ABLIM2: variants seen among roughly 807,000 people sequenced by gnomAD.
The protein encoded by ABLIM2 is actin-binding LIM protein 2.
A neutral mutation model predicts 97.7 loss-of-function variants in ABLIM2; 53 were observed. The ratio of observed to expected loss-of-function variants is 0.54; its 90% CI spans 0.44 to 0.68. The LOEUF is 0.68. ABLIM2 is among the 30% of genes least tolerant of loss of function. ABLIM2 has a pLI of 0.00. For synonymous variants in ABLIM2, 361 were observed against 345.8 expected (o/e 1.04, Z -0.49); for missense variants, 835 against 867.2 (o/e 0.96, Z 0.47).
chr4:8,099,794 G>A (rs547004059), intron 2 of ABLIM2, among the ~76,000 whole-genome samples: 2 of 152,190 alleles, frequency 1.3e-5, no homozygotes, highest in East Asian at 1.9e-4. Context: ...GCAGTGATCC[G>A]AGATCGCGCC....
rs193078271 is a variant in ABLIM2, at chr4:8,122,524, C to T, written c.11-15887G>A. On this transcript the variant is annotated intron_variant, in intron 1 of 20. Coordinates refer to ENST00000447017, the MANE Select transcript of ABLIM2 (RefSeq NM_001130083.2). This position sits in a 1 kb window ranked among gnomAD's most constrained non-coding sequence, Gnocchi z 4.1. ...TACTGTGTCCTCACAAGGCAGAGAGCGCGCTCTGGGCAGGAGTCCCATCAT... is the reference window on the plus strand; with the variant it reads ...TACTGTGTCCTCACAAGGCAGAGAGTGCGCTCTGGGCAGGAGTCCCATCAT... 1.1e-4 allele frequency among the ~76,000 whole-genome samples: 17 copies of T among 152,270 alleles called. No homozygotes were observed. In the East Asian group the frequency reaches 3.1e-3, roughly 28 times the overall value.
chr4:8,089,138 G>A (rs1825668537), intron 3 of ABLIM2, among the ~76,000 whole-genome samples: 2 of 152,248 alleles, frequency 1.3e-5, no homozygotes, highest in Non-Finnish European at 2.9e-5. Flanking sequence ...TCCGCAGCAA[G>A]TGCCTGGAGT....
intron 20 of ABLIM2, among the ~76,000 whole-genome samples, chr4:7,976,730 C>G (rs1733458244): frequency 6.6e-6 from 1 of 152,024 alleles, no homozygotes; most frequent in African/African-American, 2.4e-5. Context: ...TGCATACACA[C>G]ACATACACAT....
chr4:8,091,559 AT>A (rs1828176660), intron 3 of ABLIM2, among the ~76,000 whole-genome samples: 1 of 41,946 alleles, frequency 2.4e-5, no homozygotes, highest in African/African-American at 2.0e-4. Flanking sequence ...TTATAATTAT[AT>A]ATATTATATA....
At chr4:8,000,051 T>A (rs1756011087) in intron 16 of ABLIM2, among the ~76,000 whole-genome samples, 1 of 152,082 alleles carries the variant, frequency 6.6e-6, no homozygotes, top group Non-Finnish European at 1.5e-5. Flanking sequence ...CTTGGGCAGT[T>A]CCCATCCGCT....
Position 8,149,220 on chromosome 4 carries a change from G to A in ABLIM2, c.10+9460C>T, listed in dbSNP as rs10031095. 0.066 allele frequency among the ~76,000 whole-genome samples: 9,998 copies of A among 152,232 alleles called. 1,048 individuals are homozygous for A. Among genetic ancestry groups the A allele is most frequent in the African/African-American group, 0.23 (9,449 of 41,494 alleles). Reference sequence around the variant, plus strand: ...TCCTCTCTGCTGCCTCCTGCCTCCCGTTAGCGAGAAGCCTCAGGCCCCCTG... The same window carrying A: ...TCCTCTCTGCTGCCTCCTGCCTCCCATTAGCGAGAAGCCTCAGGCCCCCTG... On this transcript the variant is annotated intron_variant, in intron 1 of 20. Coordinates refer to ENST00000447017, the MANE Select transcript of ABLIM2 (RefSeq NM_001130083.2). This position sits in a 1 kb window ranked among gnomAD's most constrained non-coding sequence, Gnocchi z 6.4.
intron 14 of ABLIM2, among the ~76,000 whole-genome samples, chr4:8,013,430 G>C (rs1030377973): frequency 6.6e-6 from 1 of 152,024 alleles, no homozygotes; most frequent in South Asian, 2.1e-4. Flanking sequence ...CACCATGTTG[G>C]TCAGGCTGGT....
intron 17 of ABLIM2, among the ~76,000 whole-genome samples, chr4:7,985,878 C>T (rs936181847): frequency 6.6e-6 from 1 of 152,254 alleles, no homozygotes; most frequent in African/African-American, 2.4e-5. Context: ...TCCTGCAAAC[C>T]TCTATGGAGG....
intron 12 of ABLIM2, chr4:8,020,589 G>A (rs1772932515): frequency 3.9e-6 from 2 of 510,386 alleles, no homozygotes; most frequent in South Asian, 4.3e-5. Context: ...AACACCTTAG[G>A]GGGCTCACTC....
intron 5 of ABLIM2, among the ~76,000 whole-genome samples, chr4:8,077,922 C>T (rs1273721149): frequency 6.6e-6 from 1 of 152,208 alleles, no homozygotes; most frequent in South Asian, 2.1e-4. Flanking sequence ...GACAATGGTC[C>T]CATTTCACAG....
In ABLIM2 at chr4:7,984,971, G is replaced by C. The variant is rs570749380; in HGVS notation, c.1681-78C>G. 2.3e-4 allele frequency: 341 copies of C among 1,505,774 alleles called. 1 individual carries two copies. The highest frequency in any genetic ancestry group is 2.7e-4 in the Non-Finnish European group (294 of 1,103,780). The allele number at this position is 1,505,774 out of a possible 1,614,324, so 93.3% of individuals were successfully genotyped here. ...TGGATGGGCAGGGACCAGGAGATGT[G>C]GCCCCTTGGAGGCCGAGGTCCTCGT... On this transcript the variant is annotated intron_variant, in intron 17 of 20. Transcript: ENST00000447017.
In ABLIM2 at chr4:7,966,879, CA is replaced by C; in HGVS notation, c.*110del. ...CTGGGGGACCCCCTCCCGCCCACCC[CA>C]TGGACACAGAGAAGCCAGAGCAAGG... On this transcript the variant is annotated 3_prime_UTR_variant, in exon 21 of 21. Transcript: ENST00000447017. 1 of 361,394 alleles carries C rather than the reference CA, an allele frequency of 2.8e-6. No homozygotes were observed. Among genetic ancestry groups the C allele is most frequent in the Non-Finnish European group, 5.3e-6 (1 of 187,626 alleles). The allele number at this position is 361,394 out of a possible 1,614,324, so 22.4% of individuals were successfully genotyped here. A position where few individuals can be genotyped will look rare whatever the true frequency, so the allele number is the denominator to read the frequency against.
Position 7,998,871 on chromosome 4 carries a change from G to A in ABLIM2, c.1619-5944C>T, listed in dbSNP as rs965238699. 3.9e-5 allele frequency among the ~76,000 whole-genome samples: 6 copies of A among 152,176 alleles called. No homozygotes were observed. Among genetic ancestry groups the A allele is most frequent in the East Asian group, 1.9e-4 (1 of 5,194 alleles). ...CTTTAGAGTTGTCCTGTGACCAACCGTCTGCCGTATCATTTGCAGGTCCGT... is the reference window on the plus strand; with the variant it reads ...CTTTAGAGTTGTCCTGTGACCAACCATCTGCCGTATCATTTGCAGGTCCGT... On this transcript the variant is annotated intron_variant, in intron 16 of 20. Transcript: ENST00000447017. This position sits in a 1 kb window ranked among gnomAD's most constrained non-coding sequence, Gnocchi z 6.4.
intron 16 of ABLIM2, chr4:8,007,848 A>T (rs1042235335): frequency 1.5e-6 from 2 of 1,373,410 alleles, no homozygotes; most frequent in Non-Finnish European, 9.4e-7. Context: ...GGCCCTCGTT[A>T]GCACACTGGC....
At chr4:8,109,920 CCCA>C (rs1839475978) in intron 1 of ABLIM2, among the ~76,000 whole-genome samples, 2 of 152,242 alleles carry the variant, frequency 1.3e-5, no homozygotes, top group Non-Finnish European at 2.9e-5. Context: ...GCAGGCTTGT[CCCA>C]CGCGCCTTTT....
chr4:8,054,273 T>C lies in ABLIM2; in HGVS notation c.764-27A>G. On this transcript the variant is annotated intron_variant, in intron 7 of 20. Transcript: ENST00000447017. The surrounding 1 kb of genome is among the most constrained non-coding windows in gnomAD (Gnocchi z 4.9). Reference sequence around the variant, plus strand: ...TGTTGACAAATTCCCAAGAGGGAAATGATTAGAGTTATTTCCCATGTTGCA... The same window carrying C: ...TGTTGACAAATTCCCAAGAGGGAAACGATTAGAGTTATTTCCCATGTTGCA... 1 of 1,612,960 alleles carries C rather than the reference T, an allele frequency of 6.2e-7. No individual in the cohort carries two copies. Among genetic ancestry groups the C allele is most frequent in the South Asian group, 1.1e-5 (1 of 91,012 alleles).
At chr4:8,094,478 G>A (rs987209260) in intron 3 of ABLIM2, among the ~76,000 whole-genome samples, 2 of 152,166 alleles carry the variant, frequency 1.3e-5, no homozygotes, top group South Asian at 2.1e-4. Context: ...TGAGAAGGTC[G>A]TGATCGATCG....
In ABLIM2 at chr4:8,082,190, C is replaced by T. The variant is rs776088124; in HGVS notation, c.455-1388G>A. ...ATTCACAGACCAAGCAGGGACCCCT[C>T]GTGCCCAAGGAAACCTCTACCCAAG... On this transcript the variant is annotated intron_variant, in intron 4 of 20. Transcript: ENST00000447017. The surrounding 1 kb of genome is among the most constrained non-coding windows in gnomAD (Gnocchi z 5.6). Among the ~76,000 whole-genome samples the T allele has an allele frequency of 2.0e-5, 3 of 152,128 alleles. No individual in the cohort carries two copies. The highest frequency in any genetic ancestry group is 7.2e-5 in the African/African-American group (3 of 41,430).
Position 7,993,010 on chromosome 4 carries a change from G to T in ABLIM2, c.1619-83C>A, listed in dbSNP as rs1007362252. 29 of 1,471,516 alleles carry T rather than the reference G, an allele frequency of 2.0e-5. No homozygotes were observed. The African/African-American group carries it at 2.9e-4, about 15-fold the overall frequency. The allele number at this position is 1,471,516 out of a possible 1,614,324, so 91.2% of individuals were successfully genotyped here. A position where few individuals can be genotyped will look rare whatever the true frequency, so the allele number is the denominator to read the frequency against. ...TGCAGCCCTGGGGGGGCTTCCCACCGGGGTGGGCAAGGCTGGGCAAGCAAC... is the reference window on the plus strand; with the variant it reads ...TGCAGCCCTGGGGGGGCTTCCCACCTGGGTGGGCAAGGCTGGGCAAGCAAC... On this transcript the variant is annotated intron_variant, in intron 16 of 20. Coordinates refer to ENST00000447017, the MANE Select transcript of ABLIM2 (RefSeq NM_001130083.2).
Sources: gnomAD v4.1 joint callset for allele counts (sites outside exome capture counted in the v4.1 genomes callset) on GRCh38, gnomAD v4.1.1 for gene constraint, Gnocchi (gnomAD v3.1) non-coding constraint, MANE v1.5 for transcripts, NCBI Gene and HGNC (gene_info 2026-07-23, HGNC 2026-07-21) for gene names.